The following EXOC4 variants were observed in gnomAD, a reference collection of about 807,000 sequenced individuals.
EXOC4 encodes the protein exocyst complex component 4.
Under a neutral mutation model 107.2 loss-of-function variants are expected in EXOC4, and 71 were observed. The observed-to-expected ratio is 0.66, with a 90% confidence interval of 0.55 to 0.81. The LOEUF (loss-of-function observed/expected upper bound fraction) is 0.81. Among genes scored for constraint, EXOC4 ranks in the 30% least tolerant of loss-of-function variants. The probability of loss-of-function intolerance (pLI) is 0.00; values close to 1 mark genes in which losing one functional copy is unlikely to be tolerated. For synonymous variants in EXOC4, 456 were observed against 441.2 expected, an observed-to-expected ratio of 1.03 and a Z score of -0.42; for missense variants, 1,108 against 1,189.6, an observed-to-expected ratio of 0.93 and a Z score of 1.01.
At chr7:133,789,864 GACTT>G (rs1796667722) in intron 10 of EXOC4, among the ~76,000 whole-genome samples, 2 of 149,974 alleles carry the variant, frequency 1.3e-5, no homozygotes, top group South Asian at 2.1e-4. Context: ...ATATTATACT[GACTT>G]ACTTTCTAAC....
chr7:133,740,387 A>G (rs1038019045), intron 10 of EXOC4, among the ~76,000 whole-genome samples: 1 of 152,196 alleles, frequency 6.6e-6, no homozygotes, highest in Non-Finnish European at 1.5e-5. Context: ...CCTGTCCCTT[A>G]AACTTCAGGT....
At chr7:134,081,606 G>C in the EXOC4 span, among the ~76,000 whole-genome samples, 1 of 152,156 alleles carries the variant, frequency 6.6e-6, no homozygotes, top group Admixed American at 6.5e-5. Context: ...AATATTTTTA[G>C]AATGAATGAA....
chr7:133,932,507 A>T (rs1318890852), intron 13 of EXOC4, among the ~76,000 whole-genome samples: 1 of 152,220 alleles, frequency 6.6e-6, no homozygotes, highest in Non-Finnish European at 1.5e-5. Flanking sequence ...TATGTACCAT[A>T]TACTGACTGA....
At chr7:134,088,253 A>G in the EXOC4 span, among the ~76,000 whole-genome samples, 4 of 152,212 alleles carry the variant, frequency 2.6e-5, no homozygotes, top group African/African-American at 7.2e-5. Flanking sequence ...TAAAATAACC[A>G]GTTTTTCCAA....
chr7:134,071,907 A>G, the EXOC4 span, among the ~76,000 whole-genome samples: 1 of 152,146 alleles, frequency 6.6e-6, no homozygotes. Flanking sequence ...CCCAAGTGAT[A>G]CTGGTAGTCT....
chr7:133,814,035 CTAATT>C (rs1447348986), intron 10 of EXOC4, among the ~76,000 whole-genome samples: 2 of 152,022 alleles, frequency 1.3e-5, no homozygotes, highest in African/African-American at 4.8e-5. Context: ...TTAAAATTTT[CTAATT>C]TAATGTTATT....
At chr7:133,570,804 C>G (rs903762930) in intron 9 of EXOC4, among the ~76,000 whole-genome samples, 1 of 152,108 alleles carries the variant, frequency 6.6e-6, no homozygotes, top group African/African-American at 2.4e-5. Flanking sequence ...TAAGAAGCAT[C>G]TAAAATCAAC....
intron 5 of EXOC4, among the ~76,000 whole-genome samples, chr7:133,340,881 G>A (rs765136567): frequency 1.7e-4 from 26 of 151,994 alleles, no homozygotes; most frequent in African/African-American, 5.3e-4. Context: ...CTCCCATTTC[G>A]TGTCTAATTC....
intron 7 of EXOC4, among the ~76,000 whole-genome samples, chr7:133,418,176 T>C (rs897682937): frequency 6.6e-6 from 1 of 152,220 alleles, no homozygotes; most frequent in Non-Finnish European, 1.5e-5. Flanking sequence ...GTGCTTTACA[T>C]ATTTAGACTA....
At chr7:133,765,872 T>C (rs1483704959) in intron 10 of EXOC4, among the ~76,000 whole-genome samples, 1 of 152,040 alleles carries the variant, frequency 6.6e-6, no homozygotes, top group Non-Finnish European at 1.5e-5. Context: ...GACTTCTAGA[T>C]GACTTGCTTT....
rs965999095 is a variant in EXOC4, at chr7:133,669,439, C to T, written c.1514+39298C>T. Among the ~76,000 whole-genome samples the T allele has an allele frequency of 3.9e-5, 6 of 152,242 alleles. No homozygotes were observed. In the South Asian group the frequency reaches 6.2e-4, roughly 16 times the overall value. On this transcript the variant is annotated intron_variant, in intron 10 of 17. Transcript: ENST00000253861. ...GGCACCTGTGTGGGTGTGGGGAGGA[C>T]GGTTGAAGAGTGCTCAGTGCTTTTC...
chr7:133,516,594 GT>G (rs931788264), intron 9 of EXOC4, among the ~76,000 whole-genome samples: 3 of 151,888 alleles, frequency 2.0e-5, no homozygotes, highest in Non-Finnish European at 4.4e-5. Flanking sequence ...GGGCATTTGT[GT>G]TTTTTCCAAT....
At chr7:133,408,246 G>C (rs1182986305) in intron 7 of EXOC4, among the ~76,000 whole-genome samples, 1 of 151,256 alleles carries the variant, frequency 6.6e-6, no homozygotes. Context: ...GAATGATGTT[G>C]GTGGGGTGGG....
At chr7:133,915,310 TA>T (rs750280400) in intron 12 of EXOC4, among the ~76,000 whole-genome samples, 102 of 151,526 alleles carry the variant, frequency 6.7e-4, no homozygotes, top group Middle Eastern at 6.8e-3. Flanking sequence ...GTGGAAAGAG[TA>T]AAAATACAGG....
chr7:133,883,320 CTT>C (rs61066187), intron 11 of EXOC4, among the ~76,000 whole-genome samples: 18,684 of 132,026 alleles, frequency 0.14, 1,250 homozygotes, highest in African/African-American at 0.18. Context: ...ATGAGAATTG[CTT>C]TTTTTTTTTT....
intron 5 of EXOC4, among the ~76,000 whole-genome samples, chr7:133,326,475 C>G (rs1795243968): frequency 6.6e-6 from 1 of 152,206 alleles, no homozygotes; most frequent in African/African-American, 2.4e-5. Flanking sequence ...GAGGTCTACT[C>G]CAGACCCTGT....
At chr7:133,500,618 G>C (rs780438257) in intron 9 of EXOC4, among the ~76,000 whole-genome samples, 11 of 152,140 alleles carry the variant, frequency 7.2e-5, no homozygotes, top group Non-Finnish European at 1.3e-4. Flanking sequence ...GCAGGTCTCT[G>C]TGTGGGACAG....
intron 13 of EXOC4, among the ~76,000 whole-genome samples, chr7:133,918,412 ATTTCTGTCCATACAGAATATG>A (rs1054490912): frequency 7.2e-5 from 11 of 152,278 alleles, no homozygotes; most frequent in South Asian, 2.1e-4. Flanking sequence ...AGTAAGATAA[ATTTCTGTCCATACAGAATATG>A]TTTCTGTCCA....
intron 11 of EXOC4, among the ~76,000 whole-genome samples, chr7:133,842,494 G>A (rs1798042824): frequency 6.6e-6 from 1 of 152,100 alleles, no homozygotes; most frequent in Non-Finnish European, 1.5e-5. Context: ...TCTTAATGGG[G>A]TTGATTATTG....
Sources: gnomAD v4.1 joint callset for allele counts (sites outside exome capture counted in the v4.1 genomes callset) on GRCh38, gnomAD v4.1.1 for gene constraint, MANE v1.5 for transcripts, NCBI Gene and HGNC (gene_info 2026-07-23, HGNC 2026-07-21) for gene names.